FIS1: variants seen among roughly 807,000 people sequenced by gnomAD.
FIS1 encodes mitochondrial fission 1 protein.
FIS1 carries 16 observed loss-of-function variants against 21.6 expected under a neutral mutation model. The ratio of observed to expected loss-of-function variants is 0.74; its 90% CI spans 0.50 to 1.12. FIS1 has a LOEUF of 1.12. Ranked by LOEUF, FIS1 falls within the 50% of genes most tolerant of loss-of-function variation. The pLI is 0.00. For missense variants in FIS1, 198 were observed against 190.9 expected (o/e 1.04, Z -0.22); for synonymous variants, 92 against 82.2 (o/e 1.12, Z -0.65).
intron 2 of FIS1, among the ~76,000 whole-genome samples, chr7:101,242,730 G>A (rs902398345): frequency 1.3e-5 from 2 of 151,548 alleles, no homozygotes; most frequent in Non-Finnish European, 2.9e-5. Context: ...CTCGTGATCC[G>A]CCTGCCCTGG....
chr7:101,244,980 C>G lies in FIS1; in HGVS notation c.25G>C (p.Val9Leu), dbSNP rs780393859. 1 of 1,614,070 alleles carries G rather than the reference C, an allele frequency of 6.2e-7. No individual in the cohort carries two copies. Among genetic ancestry groups the G allele is most frequent in the Non-Finnish European group, 8.5e-7 (1 of 1,179,960 alleles). The stretch of plus-strand genomic sequence containing the variant: ...CTCACCAGCAGGTCCTCCACAGACA[C>G]CAGCTCGTTCAGCACGGCCTCCATG... MEAVLNEL[V>L]SVEDLLKFEK... The change falls in exon 1 of 5, where the codon GTG (valine) becomes CTG (leucine). Residue 9 changes from valine (V) to leucine (L), a missense_variant. Physicochemically the swap from Val to Leu is conservative, Grantham distance 32. Coordinates refer to ENST00000223136, the MANE Select transcript of FIS1 (RefSeq NM_016068.3).
intron 3 of FIS1, 132 bp downstream of exon 3, chr7:101,240,698 C>T: frequency 1.2e-6 from 1 of 830,550 alleles, no homozygotes. Context: ...CCCTCGGAGT[C>T]CTCATCTGAC....
At chr7:101,241,141 C>A (rs986874168) in intron 2 of FIS1, 8 of 552,944 alleles carry the variant, frequency 1.4e-5, no homozygotes, top group Non-Finnish European at 2.6e-5. Context: ...ATCAGTATTA[C>A]AGTCAACTGG....
At chr7:101,243,659 CT>C (rs1161188918) in intron 2 of FIS1, among the ~76,000 whole-genome samples, 1 of 152,214 alleles carries the variant, frequency 6.6e-6, no homozygotes, top group Non-Finnish European at 1.5e-5. Flanking sequence ...ACAAAAGATT[CT>C]CAATAGCTGC....
At chr7:101,244,812 G>A in intron 1 of FIS1, 148 bp downstream of exon 1, 5 of 927,966 alleles carry the variant, frequency 5.4e-6, no homozygotes, top group Non-Finnish European at 6.7e-6. Context: ...CCTCCGGGCA[G>A]GAGCCAGGCG....
chr7:101,239,991 G>T, intron 4 of FIS1, 88 bp from the exon 5 acceptor site: 1 of 1,430,772 alleles, frequency 7.0e-7, no homozygotes, highest in Non-Finnish European at 9.6e-7. Context: ...CTCAACAGAG[G>T]CACACCCCTA....
Position 101,242,722 on chromosome 7 carries a change from C to T in FIS1, c.178+1285G>A, listed in dbSNP as rs1256700714. 2.6e-5 allele frequency among the ~76,000 whole-genome samples: 4 copies of T among 151,908 alleles called. No individual in the cohort carries two copies. In the South Asian group the frequency reaches 6.2e-4, roughly 24 times the overall value. On this transcript the variant is annotated intron_variant, in intron 2 of 4. Transcript: ENST00000223136. ...TAGGCTGGTCTCGAACCCCTGACCT[C>T]GTGATCCGCCTGCCCTGGCCTCCCA...
At chr7:101,242,616 G>A (rs1220844401) in intron 2 of FIS1, among the ~76,000 whole-genome samples, 2 of 151,562 alleles carry the variant, frequency 1.3e-5, no homozygotes, top group Admixed American at 6.6e-5. Context: ...AGCCTACTGC[G>A]TAGCTGGGAT....
chr7:101,239,611 G>A lies in FIS1; in HGVS notation c.*195C>T, dbSNP rs1464939639. The A allele has an allele frequency of 6.2e-6, 4 of 647,620 alleles. No homozygotes were observed. In the East Asian group the frequency reaches 1.1e-4, roughly 18 times the overall value. 40.1% of individuals were successfully genotyped at this position (647,620 alleles called of 1,614,324 possible). A position where few individuals can be genotyped will look rare whatever the true frequency, so the allele number is the denominator to read the frequency against. ...CCCTCCCCTCAACGCAGACACGGGGGTTCCCAAGCCACAGCCCCGTTTTAT... is the reference window on the plus strand; with the variant it reads ...CCCTCCCCTCAACGCAGACACGGGGATTCCCAAGCCACAGCCCCGTTTTAT... On this transcript the variant is annotated 3_prime_UTR_variant, in exon 5 of 5. Coordinates refer to ENST00000223136, the MANE Select transcript of FIS1 (RefSeq NM_016068.3).
rs772832545 is a variant in FIS1 at position 101,240,123 on chromosome 7, A to G, written c.361+19T>C. ...GCGTGGGGAAGAGCGGGGCTGAACA[A>G]AGGGGCCGAGGCTGTCACCTTTCTT... On this transcript the variant is annotated intron_variant, in intron 4 of 4. Coordinates refer to ENST00000223136, the MANE Select transcript of FIS1 (RefSeq NM_016068.3). 6.2e-7 allele frequency: 1 copy of G among 1,613,360 alleles called. No homozygotes were observed. The highest frequency in any genetic ancestry group is 1.1e-5 in the South Asian group (1 of 91,060).
At position 101,240,253 on chromosome 7, in the gene FIS1, C is replaced by T. The variant is rs760384247; in HGVS notation, c.256-6G>A. On this transcript the variant is annotated splice_region_variant and splice_polypyrimidine_tract_variant and intron_variant, in intron 3 of 4. Transcript: ENST00000223136. ...TTTAAGGCCTTCTCGTATTCCTGCGCTCGGGGAAACGCGCACGCGTCATAC... is the reference window on the plus strand; with the variant it reads ...TTTAAGGCCTTCTCGTATTCCTGCGTTCGGGGAAACGCGCACGCGTCATAC... 2 of 1,614,046 alleles carry T rather than the reference C, an allele frequency of 1.2e-6. No individual in the cohort carries two copies. The highest frequency in any genetic ancestry group is 1.7e-6 in the Non-Finnish European group (2 of 1,179,892).
intron 3 of FIS1, 123 bp from the exon 4 acceptor site, chr7:101,240,370 C>A: frequency 1.2e-6 from 1 of 866,640 alleles, no homozygotes; most frequent in Non-Finnish European, 1.8e-6. Context: ...GCAATCACAG[C>A]CCACTGCAAC....
intron 2 of FIS1, among the ~76,000 whole-genome samples, chr7:101,242,008 A>G (rs1798757460): frequency 1.3e-5 from 2 of 151,810 alleles, no homozygotes; most frequent in African/African-American, 2.4e-5. Flanking sequence ...TAGCATGTCC[A>G]TGGCTCACTG....
chr7:101,243,251 A>G (rs1176728994), intron 2 of FIS1, among the ~76,000 whole-genome samples: 1 of 152,194 alleles, frequency 6.6e-6, no homozygotes, highest in Non-Finnish European at 1.5e-5. Flanking sequence ...TGACCCACCT[A>G]AAACCAATAG....
chr7:101,243,940 G>C, intron 2 of FIS1, 67 bp downstream of exon 2: 3 of 1,545,614 alleles, frequency 1.9e-6, no homozygotes, highest in Non-Finnish European at 2.6e-6. Flanking sequence ...AGAGGTGCCT[G>C]GACTACGGGG....
In FIS1 at chr7:101,240,135, C is replaced by G. The variant is rs759044855; in HGVS notation, c.361+7G>C. ...GCGGGGCTGAACAAAGGGGCCGAGG[C>G]TGTCACCTTTCTTCATGGCCTTGTC... On this transcript the variant is annotated splice_region_variant and intron_variant, in intron 4 of 4. Transcript: ENST00000223136. 6.1e-5 allele frequency: 99 copies of G among 1,612,918 alleles called. No individual in the cohort carries two copies. The South Asian group carries it at 9.4e-4, about 15-fold the overall frequency.
intron 3 of FIS1, 130 bp downstream of exon 3, chr7:101,240,700 T>C: frequency 1.2e-6 from 1 of 849,474 alleles, no homozygotes; most frequent in Non-Finnish European, 2.0e-6. Context: ...CTCGGAGTCC[T>C]CATCTGACAC....
intron 2 of FIS1, chr7:101,241,700 C>T: frequency 7.7e-6 from 1 of 129,270 alleles, no homozygotes; most frequent in East Asian, 2.6e-4. Context: ...TAGCTCATGA[C>T]TATAATCCCA....
chr7:101,240,570 C>A (rs1362728789), intron 3 of FIS1, among the ~76,000 whole-genome samples: 1 of 152,226 alleles, frequency 6.6e-6, no homozygotes, highest in Non-Finnish European at 1.5e-5. Flanking sequence ...CAGCCCCACC[C>A]CACGGAGTAG....
Sources: allele counts gnomAD v4.1 joint callset (sites outside exome capture counted in the v4.1 genomes callset), GRCh38; gene constraint gnomAD v4.1.1; transcripts MANE v1.5; gene names NCBI Gene and HGNC (gene_info 2026-07-23, HGNC 2026-07-21).